DNM1L: variants seen among roughly 807,000 people sequenced by gnomAD.
The protein encoded by DNM1L is dynamin 1L, also known as dynamin-1-like protein.
DNM1L carries 33 observed loss-of-function variants against 92.8 expected under a neutral mutation model. That is an observed-to-expected ratio of 0.36 (90% CI 0.27 to 0.48). DNM1L has a LOEUF of 0.48. DNM1L is among the 20% of genes least tolerant of loss of function. The pLI, the probability that DNM1L is intolerant of heterozygous loss-of-function variation, is 0.99. For missense variants in DNM1L, 485 were observed against 888.8 expected (o/e 0.55, Z 5.78); for synonymous variants, 284 against 305.0 (o/e 0.93, Z 0.72).
chr12:32,714,392 C>A (rs907282542), intron 6 of DNM1L, among the ~76,000 whole-genome samples: 2 of 151,434 alleles, frequency 1.3e-5, no homozygotes, highest in Non-Finnish European at 2.9e-5. Context: ...CCTGCCTCAG[C>A]CTCCTGAGTA....
rs768374390 is a variant in DNM1L, at chr12:32,740,269, T to C, written c.1884+29T>C. 3 of 1,614,024 alleles carry C rather than the reference T, an allele frequency of 1.9e-6. No individual in the cohort carries two copies. In the Admixed American group the frequency reaches 5.0e-5, roughly 27 times the overall value. Reference sequence around the variant, plus strand: ...AGCCATGACAATTTGGTTTAGGTAATAAGGTAGGTGACCAAGTTAGTAGGA... The same window carrying C: ...AGCCATGACAATTTGGTTTAGGTAACAAGGTAGGTGACCAAGTTAGTAGGA... On this transcript the variant is annotated intron_variant, in intron 17 of 19. Transcript: ENST00000549701.
At chr12:32,734,711 G>C (rs1484930822) in intron 13 of DNM1L, among the ~76,000 whole-genome samples, 1 of 152,276 alleles carries the variant, frequency 6.6e-6, no homozygotes, top group East Asian at 1.9e-4. Flanking sequence ...GGGAGGCTGA[G>C]GCAGGAGAAT....
intron 1 of DNM1L, among the ~76,000 whole-genome samples, chr12:32,687,640 G>A (rs186291526): frequency 6.6e-6 from 1 of 151,896 alleles, no homozygotes; most frequent in African/African-American, 2.4e-5. Flanking sequence ...AGTAGATACG[G>A]GGTTTTGCCA....
chr12:32,679,429 C>T lies in DNM1L; in HGVS notation c.66C>T (p.Ile22=), dbSNP rs1344164515. The change falls in exon 1 of 20, where the codon ATC becomes ATT. Residue 22 remains isoleucine (I), a synonymous_variant. Coordinates refer to ENST00000549701, the MANE Select transcript of DNM1L (RefSeq NM_012062.5). The part of the protein sequence containing the change: ...QDVFNTVGAD[I]IQLPQIVVVG... ...TCTTCAACACGGTGGGCGCCGACATCATCCAGCTGCCTCAAATCGTCGTAG... is the reference window on the plus strand; with the variant it reads ...TCTTCAACACGGTGGGCGCCGACATTATCCAGCTGCCTCAAATCGTCGTAG... 5 of 1,613,552 alleles carry T rather than the reference C, an allele frequency of 3.1e-6. No individual in the cohort carries two copies. Among genetic ancestry groups the T allele is most frequent in the Non-Finnish European group, 3.4e-6 (4 of 1,179,904 alleles).
At chr12:32,685,907 T>C (rs1346033077) in intron 1 of DNM1L, among the ~76,000 whole-genome samples, 1 of 152,116 alleles carries the variant, frequency 6.6e-6, no homozygotes, top group East Asian at 1.9e-4. Flanking sequence ...TTGACTATAA[T>C]TTAATTCCTG....
At chr12:32,737,007 G>T in intron 13 of DNM1L, 98 bp from the exon 14 acceptor site, 1 of 1,187,702 alleles carries the variant, frequency 8.4e-7, no homozygotes, top group African/African-American at 1.5e-5. Flanking sequence ...GGATGTATCT[G>T]TAAGTTACTC....
At chr12:32,710,779 T>C (rs1363388843) in intron 4 of DNM1L, 150 bp from the exon 5 acceptor site, 3 of 625,936 alleles carry the variant, frequency 4.8e-6, no homozygotes, top group Non-Finnish European at 8.0e-6. Context: ...TGACTTCCCA[T>C]GTGTTTCATC....
chr12:32,717,825 A>ATT lies in DNM1L; in HGVS notation c.620-817_620-816insTT. ...CTGAAATATATATACTATAAAATAT[A>ATT]TATAGTATATACTATATATATTTTA... On this transcript the variant is annotated intron_variant, in intron 6 of 19. Transcript: ENST00000549701. 1.8e-5 allele frequency among the ~76,000 whole-genome samples: 2 copies of ATT among 113,998 alleles called. 1 individual carries two copies. Among genetic ancestry groups the ATT allele is most frequent in the Non-Finnish European group, 3.3e-5 (2 of 59,958 alleles). The allele number at this position is 113,998 out of a possible 152,430, so 74.8% of individuals were successfully genotyped here.
chr12:32,744,053 T>C lies in DNM1L; in HGVS notation c.*643T>C, dbSNP rs1955494084. On this transcript the variant is annotated 3_prime_UTR_variant, in exon 20 of 20. Coordinates refer to ENST00000549701, the MANE Select transcript of DNM1L (RefSeq NM_012062.5). ...CTTCCAATTCTGGGTCCATTTGCAC[T>C]AGCAAATTAAAATATGCTTTGATTC... 1 of 152,392 alleles carries C rather than the reference T, an allele frequency of 6.6e-6. No individual in the cohort carries two copies. The highest frequency in any genetic ancestry group is 6.5e-5 in the Admixed American group (1 of 15,298). 9.4% of individuals were successfully genotyped at this position (152,392 alleles called of 1,614,324 possible). A position where few individuals can be genotyped will look rare whatever the true frequency, so the allele number is the denominator to read the frequency against.
chr12:32,701,543 A>G lies in DNM1L; in HGVS notation c.231A>G (p.Lys77=). 6.2e-7 allele frequency: 1 copy of G among 1,613,902 alleles called. No individual in the cohort carries two copies. The highest frequency in any genetic ancestry group is 8.5e-7 in the Non-Finnish European group (1 of 1,179,842). Residue 77 remains lysine, a synonymous_variant, in exon 2 of 20, where the codon AAA becomes AAG. Coordinates refer to ENST00000549701, the MANE Select transcript of DNM1L (RefSeq NM_012062.5). ...ATGTTTCACAAGAAGATAAACGGAA[A>G]ACAACAGGAGAAGAAAATGGTAAAT... ...LVHVSQEDKR[K]TTGEENGVEA...
In DNM1L at chr12:32,733,639, G is replaced by A. The variant is rs532662737; in HGVS notation, c.1447-76G>A. 251 of 1,244,686 alleles carry A rather than the reference G, an allele frequency of 2.0e-4. No individual in the cohort carries two copies. The African/African-American group carries it at 3.3e-3, about 17-fold the overall frequency. The allele number at this position is 1,244,686 out of a possible 1,614,324, so 77.1% of individuals were successfully genotyped here. On this transcript the variant is annotated intron_variant, in intron 12 of 19. Coordinates refer to ENST00000549701, the MANE Select transcript of DNM1L (RefSeq NM_012062.5). ...TTTTTCGGTATTGTCTGTTTCATAA[G>A]TTTTATATATAAATTTCTCAAAGTA...
Position 32,722,430 on chromosome 12 carries a change from A to G in DNM1L, c.876A>G (p.Leu292=), listed in dbSNP as rs758733268. The G allele has an allele frequency of 1.2e-6, 2 of 1,611,078 alleles. No individual in the cohort carries two copies. The highest frequency in any genetic ancestry group is 1.1e-5 in the South Asian group (1 of 90,940). The stretch of plus-strand genomic sequence containing the variant: ...CTTCCTTTCTAACCTTTTTTAGGTT[A>G]CTGATGCATCACATCAGAGATTGTT... The part of the protein sequence containing the change: ...TKYLARTLNR[L]LMHHIRDCLP... Residue 292 remains leucine, a synonymous_variant, in exon 9 of 20, where the codon TTA becomes TTG. Coordinates refer to ENST00000549701, the MANE Select transcript of DNM1L (RefSeq NM_012062.5).
chr12:32,699,258 T>C (rs1045772113), intron 1 of DNM1L, among the ~76,000 whole-genome samples: 6 of 152,310 alleles, frequency 3.9e-5, no homozygotes, highest in Middle Eastern at 6.8e-3. Flanking sequence ...GATATATGAG[T>C]ATTCACTGTT....
intron 16 of DNM1L, 98 bp downstream of exon 16, chr12:32,738,394 C>T: frequency 1.6e-6 from 2 of 1,289,000 alleles, no homozygotes; most frequent in Non-Finnish European, 2.3e-6. Context: ...GTAGTGGTAT[C>T]TATCTCTTGT....
chr12:32,705,015 T>A (rs1952866457), intron 2 of DNM1L, among the ~76,000 whole-genome samples: 1 of 150,786 alleles, frequency 6.6e-6, no homozygotes, highest in Non-Finnish European at 1.5e-5. Context: ...TTTTTTTTTT[T>A]TTTTTTTTAA....
intron 9 of DNM1L, among the ~76,000 whole-genome samples, chr12:32,724,596 ATATATAT>A (rs1565526501): frequency 1.9e-4 from 8 of 41,662 alleles, no homozygotes; most frequent in African/African-American, 5.2e-4. Context: ...AAAAAAAAAT[ATATATAT>A]ATATATATAT....
chr12:32,718,474 A>C (rs1233171505), intron 6 of DNM1L, among the ~76,000 whole-genome samples, 169 bp from the exon 7 acceptor site: 3 of 152,104 alleles, frequency 2.0e-5, no homozygotes, highest in African/African-American at 7.2e-5. Context: ...ACAATGTTTA[A>C]CATTATTTTT....
chr12:32,722,509 C>T lies in DNM1L; in HGVS notation c.955C>T (p.Leu319=), dbSNP rs771883484. The change falls in exon 9 of 20, where the codon CTA becomes TTA. Residue 319 remains leucine, a synonymous_variant. Transcript: ENST00000549701. ...NVLAAQYQSL[L]NSYGEPVDDK... is the part of the protein sequence containing the mutation. ...TCTAGCTGCTCAGTATCAGTCTCTT[C>T]TAAATAGCTACGGTGAACCCGTGGA... 35 of 1,613,324 alleles carry T rather than the reference C, an allele frequency of 2.2e-5. No individual in the cohort carries two copies. The highest frequency in any genetic ancestry group is 2.8e-5 in the Non-Finnish European group (33 of 1,179,964).
At chr12:32,693,152 A>G (rs1487907879) in intron 1 of DNM1L, among the ~76,000 whole-genome samples, 2 of 152,186 alleles carry the variant, frequency 1.3e-5, no homozygotes, top group Non-Finnish European at 2.9e-5. Flanking sequence ...CAACAGAGTG[A>G]AGTTTATTTA....
Sources: gnomAD v4.1 joint callset for allele counts (sites outside exome capture counted in the v4.1 genomes callset) on GRCh38, gnomAD v4.1.1 for gene constraint, MANE v1.5 for transcripts, NCBI Gene and HGNC (gene_info 2026-07-23, HGNC 2026-07-21) for gene names.